The following OXR1 variants were observed in gnomAD, a reference collection of about 807,000 sequenced individuals.
OXR1 encodes the protein oxidation resistance protein 1.
In OXR1, 41 loss-of-function variants were observed where a neutral mutation model predicts 104.6. The observed-to-expected ratio is 0.39, with a 90% CI of 0.31 to 0.51. The LOEUF is 0.51. Among genes scored for constraint, OXR1 ranks in the 20% least tolerant of loss-of-function variants. The probability of loss-of-function intolerance (pLI) is 0.77; values close to 1 mark genes in which losing one functional copy is unlikely to be tolerated. For missense variants in OXR1, 955 were observed against 1,031.9 expected, an observed-to-expected ratio of 0.93 and a Z score of 1.02; for synonymous variants, 348 against 348.4, an observed-to-expected ratio of 1.00 and a Z score of 0.01.
chr8:106,392,093 G>A (rs1481806632), intron 2 of OXR1, among the ~76,000 whole-genome samples: 2 of 152,184 alleles, frequency 1.3e-5, no homozygotes, highest in Non-Finnish European at 2.9e-5. Flanking sequence ...GTGGTCAATC[G>A]CAGTTTGCTC....
In OXR1 at chr8:106,750,916, A is replaced by T. The variant is rs1262869765; in HGVS notation, c.2597A>T (p.Asp866Val). ...LSKKEDFFIQ[D>V]IEIWAFE ...AAGAAGGAAGATTTCTTTATCCAAG[A>T]TATTGAAATCTGGGCTTTTGAATAA... The change falls in exon 17 of 17, where the codon GAT (aspartate) becomes GTT (valine). Residue 866 changes from aspartate (D) to valine (V), a missense_variant. Coordinates refer to ENST00000517566, the MANE Select transcript of OXR1 (RefSeq NM_001198533.2). 8 of 1,605,670 alleles carry T rather than the reference A, an allele frequency of 5.0e-6. No individual in the cohort carries two copies. The African/African-American group carries it at 1.1e-4, about 22-fold the overall frequency.
chr8:106,351,520 T>C (rs1165625121), intron 1 of OXR1, among the ~76,000 whole-genome samples: 1 of 152,128 alleles, frequency 6.6e-6, no homozygotes, highest in Non-Finnish European at 1.5e-5. Flanking sequence ...ATCAAAGGCC[T>C]GTAAGCTGTG....
At chr8:106,621,454 AAAAAAC>A (rs1408498262) in intron 3 of OXR1, among the ~76,000 whole-genome samples, 1 of 152,166 alleles carries the variant, frequency 6.6e-6, no homozygotes, top group Non-Finnish European at 1.5e-5. Context: ...CTGTCTCTAA[AAAAAAC>A]AAAAACAAAA....
At chr8:106,405,647 G>T (rs538421800) in intron 2 of OXR1, among the ~76,000 whole-genome samples, 1 of 152,194 alleles carries the variant, frequency 6.6e-6, no homozygotes, top group East Asian at 1.9e-4. Context: ...CTTGCTAGAG[G>T]ATGAGAGAGT....
chr8:106,403,415 G>C (rs1302910999), intron 2 of OXR1, among the ~76,000 whole-genome samples: 1 of 152,214 alleles, frequency 6.6e-6, no homozygotes, highest in Non-Finnish European at 1.5e-5. Flanking sequence ...ATTGAATTAA[G>C]TTTTCCCAAA....
At chr8:106,327,261 T>C (rs528687370) in intron 1 of OXR1, among the ~76,000 whole-genome samples, 1 of 152,316 alleles carries the variant, frequency 6.6e-6, no homozygotes, top group South Asian at 2.1e-4. Flanking sequence ...CAATTTTATG[T>C]CCTTTCAAAA....
At chr8:106,590,236 T>C (rs1458352656) in intron 3 of OXR1, among the ~76,000 whole-genome samples, 1 of 152,244 alleles carries the variant, frequency 6.6e-6, no homozygotes, top group Non-Finnish European at 1.5e-5. Flanking sequence ...TCTTTCCCCA[T>C]TTCCATCTAA....
chr8:106,648,339 T>C (rs1266305582), intron 3 of OXR1, among the ~76,000 whole-genome samples: 2 of 152,186 alleles, frequency 1.3e-5, no homozygotes, highest in Non-Finnish European at 1.5e-5. Context: ...AATCAAAGAA[T>C]AGTCCCCTTA....
At chr8:106,529,955 A>G (rs1241101783) in intron 3 of OXR1, among the ~76,000 whole-genome samples, 1 of 152,192 alleles carries the variant, frequency 6.6e-6, no homozygotes, top group African/African-American at 2.4e-5. Context: ...CTAAATCACT[A>G]TTAAAATTAG....
intron 2 of OXR1, among the ~76,000 whole-genome samples, chr8:106,396,232 T>A (rs1021821645): frequency 6.6e-6 from 1 of 152,032 alleles, no homozygotes; most frequent in Non-Finnish European, 1.5e-5. Flanking sequence ...GTGGGTCATA[T>A]TTAGTGTCTC....
intron 1 of OXR1, among the ~76,000 whole-genome samples, chr8:106,274,623 T>G (rs1172245318): frequency 1.2e-5 from 1 of 80,942 alleles, no homozygotes; most frequent in Non-Finnish European, 2.3e-5. Flanking sequence ...CCCCGCCCTT[T>G]CTCCTGTGCA....
At chr8:106,455,959 C>T (rs1280591502) in intron 2 of OXR1, among the ~76,000 whole-genome samples, 1 of 152,110 alleles carries the variant, frequency 6.6e-6, no homozygotes, top group Non-Finnish European at 1.5e-5. Context: ...TTTTCTATAA[C>T]ATTTTTATAA....
intron 3 of OXR1, among the ~76,000 whole-genome samples, chr8:106,550,979 A>AGAGCTCAGCTAT (rs1815756139): frequency 6.6e-6 from 1 of 152,118 alleles, no homozygotes; most frequent in Admixed American, 6.6e-5. Context: ...AGCTATCTAG[A>AGAGCTCAGCTAT]CCTGAGAGCT....
chr8:106,520,623 A>G (rs1194427838), intron 3 of OXR1: 1 of 152,252 alleles, frequency 6.6e-6, no homozygotes, highest in Non-Finnish European at 1.5e-5. Context: ...GAGAATTAAT[A>G]AAAGTGTAGA....
At chr8:106,510,789 A>G (rs1047088127) in intron 2 of OXR1, among the ~76,000 whole-genome samples, 2 of 152,202 alleles carry the variant, frequency 1.3e-5, no homozygotes, top group East Asian at 3.8e-4. Flanking sequence ...TGAATTTCCA[A>G]GATAGAAAAG....
chr8:106,434,637 T>C (rs528699666), intron 2 of OXR1, among the ~76,000 whole-genome samples: 42 of 152,338 alleles, frequency 2.8e-4, no homozygotes, highest in African/African-American at 1.0e-3. Flanking sequence ...ACAAAGAAGC[T>C]GAGTTCACTT....
chr8:106,576,505 A>G (rs948336473), intron 3 of OXR1, among the ~76,000 whole-genome samples: 4 of 150,294 alleles, frequency 2.7e-5, no homozygotes, highest in African/African-American at 9.7e-5. Context: ...AAATAGAGCC[A>G]CAGGCTTTAT....
At chr8:106,735,626 CT>C (rs1834299662) in intron 11 of OXR1, among the ~76,000 whole-genome samples, 1 of 151,920 alleles carries the variant, frequency 6.6e-6, no homozygotes, top group Non-Finnish European at 1.5e-5. Flanking sequence ...TTTGACAATC[CT>C]TGTCTAGGAG....
At chr8:106,726,146 A>G (rs1833317919) in intron 11 of OXR1, 1 of 1,444,952 alleles carries the variant, frequency 6.9e-7, no homozygotes, top group Non-Finnish European at 9.0e-7. Context: ...CACTGTAGTA[A>G]GGCTCTAGTG....
Sources: gnomAD v4.1 joint callset for allele counts (sites outside exome capture counted in the v4.1 genomes callset) on GRCh38, gnomAD v4.1.1 for gene constraint, MANE v1.5 for transcripts, NCBI Gene and HGNC (gene_info 2026-07-23, HGNC 2026-07-21) for gene names.